PKP4: variants seen among roughly 807,000 people sequenced by gnomAD.
PKP4 encodes plakophilin 4.
PKP4 carries 90 observed loss-of-function variants against 145.1 expected under a neutral mutation model. That is an observed-to-expected ratio of 0.62 (90% CI 0.52 to 0.74). PKP4 has a LOEUF of 0.74. Among genes scored for constraint, PKP4 ranks in the 30% least tolerant of loss-of-function variants. The probability of loss-of-function intolerance (pLI) is 0.00; values close to 1 mark genes in which losing one functional copy is unlikely to be tolerated. For synonymous variants in PKP4, 563 were observed against 577.2 expected (o/e 0.98, Z 0.35); for missense variants, 1,340 against 1,482.7 (o/e 0.90, Z 1.58).
chr2:158,646,544 C>A (rs1182945157), intron 11 of PKP4, among the ~76,000 whole-genome samples: 3 of 152,164 alleles, frequency 2.0e-5, no homozygotes. Context: ...CAAAATTGCT[C>A]ACATTTCCCA....
At chr2:158,487,895 G>T (rs1694402968) in intron 1 of PKP4, among the ~76,000 whole-genome samples, 1 of 152,078 alleles carries the variant, frequency 6.6e-6, no homozygotes, top group East Asian at 1.9e-4. Context: ...AATAAATATA[G>T]TCTTGAAATA....
intron 1 of PKP4, among the ~76,000 whole-genome samples, chr2:158,498,586 A>G (rs1156433658): frequency 6.6e-6 from 1 of 152,194 alleles, no homozygotes; most frequent in Non-Finnish European, 1.5e-5. Context: ...GATGACTGGG[A>G]ATCTCATGCA....
chr2:158,497,721 T>A lies in PKP4; in HGVS notation c.-5-35459T>A, dbSNP rs150699526. On this transcript the variant is annotated intron_variant, in intron 1 of 21. Transcript: ENST00000389759. ...ACTCAGTTTTGCCTTAAAGATTAAA[T>A]GATATAATGTTTTAAAGTGCTTAGC... is the stretch of plus-strand genomic sequence containing the variant. Among the ~76,000 whole-genome samples the A allele has an allele frequency of 5.0e-3, 764 of 152,342 alleles. 5 individuals are homozygous for A. The highest frequency in any genetic ancestry group is 0.018 in the African/African-American group (735 of 41,566).
At chr2:158,480,986 G>C (rs1255882150) in intron 1 of PKP4, among the ~76,000 whole-genome samples, 1 of 152,094 alleles carries the variant, frequency 6.6e-6, no homozygotes, top group Non-Finnish European at 1.5e-5. Context: ...ATGTCCTTTT[G>C]TGTCTCACTT....
At position 158,680,753 on chromosome 2, in the gene PKP4, T is replaced by C. The variant is rs1288491766; in HGVS notation, c.*76T>C. On this transcript the variant is annotated 3_prime_UTR_variant, in exon 22 of 22. Transcript: ENST00000389759. ...GAGGTGAAAAGTCCATCTTGCTGAT[T>C]TGATGATTGAAATGTGAAAGTGAAG... The C allele has an allele frequency of 1.7e-5, 22 of 1,291,986 alleles. No individual in the cohort carries two copies. Among genetic ancestry groups the C allele is most frequent in the Non-Finnish European group, 2.0e-5 (19 of 936,306 alleles). 80.0% of individuals were successfully genotyped at this position (1,291,986 alleles called of 1,614,324 possible). A position where few individuals can be genotyped will look rare whatever the true frequency, so the allele number is the denominator to read the frequency against.
intron 21 of PKP4, 50 bp downstream of exon 21, chr2:158,678,704 G>C: frequency 8.6e-7 from 1 of 1,157,154 alleles, no homozygotes; most frequent in Non-Finnish European, 1.3e-6. Context: ...AGTTAACACA[G>C]TAAGGGGTCC....
chr2:158,680,562 A>T lies in PKP4; in HGVS notation c.3464A>T (p.Asp1155Val). 1 of 1,614,102 alleles carries T rather than the reference A, an allele frequency of 6.2e-7. No individual in the cohort carries two copies. The highest frequency in any genetic ancestry group is 8.5e-7 in the Non-Finnish European group (1 of 1,179,962). Residue 1155 changes from aspartate to valine, a missense_variant, in exon 22 of 22, where the codon GAT becomes GTT. Asp to Val is a radical substitution (Grantham distance 152). Coordinates refer to ENST00000389759, the MANE Select transcript of PKP4 (RefSeq NM_003628.6). ...DDRVHFPAST[D>V]YSTQYGLKST... Reference sequence around the variant, plus strand: ...CGAGTTCACTTTCCAGCTTCTACTGATTACTCAACACAGTATGGACTGAAA... The same window carrying T: ...CGAGTTCACTTTCCAGCTTCTACTGTTTACTCAACACAGTATGGACTGAAA...
At position 158,661,264 on chromosome 2, in the gene PKP4, A is replaced by C. The variant is rs1280862179; in HGVS notation, c.2094-69A>C. 24 of 1,141,664 alleles carry C rather than the reference A, an allele frequency of 2.1e-5. No homozygotes were observed. In the East Asian group the frequency reaches 4.3e-4, roughly 20 times the overall value. 70.7% of individuals were successfully genotyped at this position (1,141,664 alleles called of 1,614,324 possible). On this transcript the variant is annotated intron_variant, in intron 12 of 21. Transcript: ENST00000389759. Reference sequence around the variant, plus strand: ...TGTTGTTCGCTCTCTCAGATCCTTAAGGTTAAGTCCACGTGGCTGATGAGT... The same window carrying C: ...TGTTGTTCGCTCTCTCAGATCCTTACGGTTAAGTCCACGTGGCTGATGAGT...
intron 2 of PKP4, among the ~76,000 whole-genome samples, chr2:158,574,491 T>G (rs1006619256): frequency 6.6e-6 from 1 of 152,216 alleles, no homozygotes; most frequent in African/African-American, 2.4e-5. Context: ...CATAATACTG[T>G]CCTCATCAGT....
intron 2 of PKP4, 53 bp downstream of exon 2, chr2:158,533,369 A>C (rs978478938): frequency 6.3e-7 from 1 of 1,593,768 alleles, no homozygotes; most frequent in Non-Finnish European, 8.6e-7. Flanking sequence ...TGCCTTTAAA[A>C]AATTAATCTT....
chr2:158,542,705 G>A (rs1185787107), intron 2 of PKP4, among the ~76,000 whole-genome samples: 1 of 152,078 alleles, frequency 6.6e-6, no homozygotes, highest in African/African-American at 2.4e-5. Context: ...TGCGAAAAAA[G>A]ACCCTTCATT....
chr2:158,523,866 G>A (rs2042680844), intron 1 of PKP4, among the ~76,000 whole-genome samples: 1 of 141,240 alleles, frequency 7.1e-6, no homozygotes. Context: ...GTGATCAACT[G>A]GAAGAAAGGG....
rs1270797923 is a variant in PKP4 at position 158,634,111 on chromosome 2, A to G, written c.1384A>G (p.Thr462Ala). 6 of 1,613,924 alleles carry G rather than the reference A, an allele frequency of 3.7e-6. No homozygotes were observed. Among genetic ancestry groups the G allele is most frequent in the Non-Finnish European group, 5.1e-6 (6 of 1,179,770 alleles). Residue 462 changes from threonine to alanine, a missense_variant, in exon 9 of 22, where the codon ACC (threonine) becomes GCC (alanine). Thr to Ala is a moderately conservative substitution (Grantham distance 58). Transcript: ENST00000389759. ...ACAAAGGACATCCAGCCAACGAAGTACCCTTACATACCAAAGAAATAATTA... is the reference window on the plus strand; with the variant it reads ...ACAAAGGACATCCAGCCAACGAAGTGCCCTTACATACCAAAGAAATAATTA... ...NLQRTSSQRSTLTYQRNNYAL... is the reference protein window; with the variant it reads ...NLQRTSSQRSALTYQRNNYAL...
At chr2:158,478,765 A>T (rs981111430) in intron 1 of PKP4, among the ~76,000 whole-genome samples, 3 of 152,256 alleles carry the variant, frequency 2.0e-5, no homozygotes, top group African/African-American at 7.2e-5. Flanking sequence ...CATTTTAAAT[A>T]TGGGACAGTA....
At chr2:158,501,581 G>T (rs1696570699) in intron 1 of PKP4, among the ~76,000 whole-genome samples, 2 of 152,100 alleles carry the variant, frequency 1.3e-5, no homozygotes, top group African/African-American at 4.8e-5. Context: ...GAGCTCAACT[G>T]CAGTGAATGT....
At chr2:158,619,053 C>T (rs1366860340) in intron 4 of PKP4, among the ~76,000 whole-genome samples, 1 of 152,116 alleles carries the variant, frequency 6.6e-6, no homozygotes, top group African/African-American at 2.4e-5. Context: ...CCAGGGTTTC[C>T]GTCCCTGATG....
chr2:158,559,821 G>T (rs746639405), intron 2 of PKP4, among the ~76,000 whole-genome samples: 2 of 151,860 alleles, frequency 1.3e-5, no homozygotes, highest in Non-Finnish European at 2.9e-5. Flanking sequence ...CTTTAAATCA[G>T]TATCTGAATA....
chr2:158,476,390 G>C (rs1692480331), intron 1 of PKP4, among the ~76,000 whole-genome samples: 1 of 152,092 alleles, frequency 6.6e-6, no homozygotes, highest in Non-Finnish European at 1.5e-5. Context: ...GAGTGCAGTG[G>C]TGTGAGTATA....
intron 1 of PKP4, among the ~76,000 whole-genome samples, chr2:158,498,907 G>C (rs1696148551): frequency 6.6e-6 from 1 of 151,120 alleles, no homozygotes. Context: ...CTGCAGCACA[G>C]CTGATGGTGG....
Sources: gnomAD v4.1 joint callset for allele counts (sites outside exome capture counted in the v4.1 genomes callset) on GRCh38, gnomAD v4.1.1 for gene constraint, MANE v1.5 for transcripts, NCBI Gene and HGNC (gene_info 2026-07-23, HGNC 2026-07-21) for gene names.